CCDC107: variants seen among roughly 807,000 people sequenced by gnomAD.
CCDC107 encodes the protein coiled-coil domain-containing protein 107.
A neutral mutation model predicts 17.9 loss-of-function variants in CCDC107; 17 were observed. The observed-to-expected ratio is 0.95, with a 90% confidence interval of 0.65 to 1.42. The LOEUF (loss-of-function observed/expected upper bound fraction) is 1.42. Among genes scored for constraint, CCDC107 ranks in the 40% most tolerant of loss-of-function variants. The pLI is 0.00. For synonymous variants in CCDC107, 170 were observed against 157.2 expected (o/e 1.08, Z -0.61); for missense variants, 388 against 360.1 (o/e 1.08, Z -0.63).
At position 35,661,095 on chromosome 9, in the gene CCDC107, A is replaced by T; in HGVS notation, c.760A>T (p.Ser254Cys). ...GGGGCGGGGACTACGGAGAAGGTGC[A>T]GCCAGGCTGTGGCAAAGGGCCCCAG... ...EVGRGLRRRC[S>C]QAVAKGPSHS... Residue 254 changes from serine (S) to cysteine (C), a missense_variant, in exon 5 of 5, where the codon AGC (serine) becomes TGC (cysteine). Transcript: ENST00000426546. 1 of 1,614,200 alleles carries T rather than the reference A, an allele frequency of 6.2e-7. No homozygotes were observed. Among genetic ancestry groups the T allele is most frequent in the Non-Finnish European group, 8.5e-7 (1 of 1,180,028 alleles).
chr9:35,659,000 A>G (rs1460026371), intron 2 of CCDC107: 2 of 321,466 alleles, frequency 6.2e-6, no homozygotes, highest in Non-Finnish European at 5.7e-6. Context: ...AGGAGTAGTC[A>G]CTTGCTCGAG....
intron 2 of CCDC107, 86 bp from the exon 3 acceptor site, chr9:35,660,315 C>T (rs777521919): frequency 8.6e-7 from 1 of 1,166,710 alleles, no homozygotes; most frequent in South Asian, 1.5e-5. Flanking sequence ...TCTCAAATTG[C>T]ACTCTCTCTT....
rs1011584184 is a variant in CCDC107, at chr9:35,658,485, G to A, written c.106G>A (p.Gly36Arg). The A allele has an allele frequency of 2.0e-6, 3 of 1,476,738 alleles. No homozygotes were observed. The highest frequency in any genetic ancestry group is 4.6e-5 in the Admixed American group (2 of 43,298). 91.5% of individuals were successfully genotyped at this position (1,476,738 alleles called of 1,614,324 possible). A position where few individuals can be genotyped will look rare whatever the true frequency, so the allele number is the denominator to read the frequency against. ...RANPDLRAHPGNAAHPGSGAT... is the reference protein window; with the variant it reads ...RANPDLRAHPRNAAHPGSGAT... Reference sequence around the variant, plus strand: ...CAATCCCGACCTCCGGGCACACCCAGGTACCAGCTAGGGCTGCTGGAGGAG... The same window carrying A: ...CAATCCCGACCTCCGGGCACACCCAAGTACCAGCTAGGGCTGCTGGAGGAG... Residue 36 changes from glycine (G) to arginine (R), a missense_variant and splice_region_variant, in exon 1 of 5, where the codon GGG becomes AGG. By Grantham distance (125) the Gly-to-Arg change is moderately radical. Coordinates refer to ENST00000426546, the MANE Select transcript of CCDC107 (RefSeq NM_174923.3).
chr9:35,660,878 G>C lies in CCDC107; in HGVS notation c.543G>C (p.Glu181Asp), dbSNP rs1823897775. The change falls in exon 5 of 5, where the codon GAG becomes GAC. Residue 181 changes from glutamate to aspartate, a missense_variant. Coordinates refer to ENST00000426546, the MANE Select transcript of CCDC107 (RefSeq NM_174923.3). The stretch of plus-strand genomic sequence containing the variant: ...AACCAGGTGAAGGCTCGGGAGGCGA[G>C]TCTGCTGGAGGTGGAGACAAAGTCT... Reference protein sequence around the residue: ...ASEPGEGSGGESAGGGDKVSE... With the variant: ...ASEPGEGSGGDSAGGGDKVSE... The C allele has an allele frequency of 6.2e-7, 1 of 1,614,174 alleles. No individual in the cohort carries two copies. Among genetic ancestry groups the C allele is most frequent in the Non-Finnish European group, 8.5e-7 (1 of 1,180,048 alleles).
Position 35,661,170 on chromosome 9 carries a change from C to A in CCDC107, c.835C>A (p.Gln279Lys). The change falls in exon 5 of 5, where the codon CAA becomes AAA. Residue 279 changes from glutamine (Q) to lysine (K), a missense_variant. Physicochemically the swap from Gln to Lys is moderately conservative, Grantham distance 53. Coordinates refer to ENST00000426546, the MANE Select transcript of CCDC107 (RefSeq NM_174923.3). ...GACGACAGCTGAAGGTCGACTAAAA[C>A]AAAGTCTGTTTTCATGATGGAGTGC... is the stretch of plus-strand genomic sequence containing the variant. ...GGTTAEGRLKQSLFS is the reference protein window; with the variant it reads ...GGTTAEGRLKKSLFS The A allele has an allele frequency of 6.2e-7, 1 of 1,600,986 alleles. No individual in the cohort carries two copies. The highest frequency in any genetic ancestry group is 8.5e-7 in the Non-Finnish European group (1 of 1,172,208).
Position 35,661,237 on chromosome 9 carries a change from T to C in CCDC107, c.*50T>C, listed in dbSNP as rs773527394. ...GATCCTAGTTGGTTGTACACACCCATACTAGGTGCCTAAGGACAACTGGGC... is the reference window on the plus strand; with the variant it reads ...GATCCTAGTTGGTTGTACACACCCACACTAGGTGCCTAAGGACAACTGGGC... On this transcript the variant is annotated 3_prime_UTR_variant, in exon 5 of 5. Coordinates refer to ENST00000426546, the MANE Select transcript of CCDC107 (RefSeq NM_174923.3). 18 of 1,361,958 alleles carry C rather than the reference T, an allele frequency of 1.3e-5. No individual in the cohort carries two copies. The highest frequency in any genetic ancestry group is 2.9e-5 in the African/African-American group (2 of 68,860). The allele number at this position is 1,361,958 out of a possible 1,614,324, so 84.4% of individuals were successfully genotyped here.
At chr9:35,659,494 G>T (rs1167581182) in intron 2 of CCDC107, 1 of 152,158 alleles carries the variant, frequency 6.6e-6, no homozygotes, top group African/African-American at 2.4e-5. Flanking sequence ...GTTCACTGTG[G>T]GATGTGACAA....
In CCDC107 at chr9:35,661,029, T is replaced by TG. The variant is rs1467060376; in HGVS notation, c.696dup (p.Ser233GlufsTer42). The TG allele has an allele frequency of 2.5e-5, 41 of 1,613,914 alleles. No homozygotes were observed. The highest frequency in any genetic ancestry group is 3.2e-5 in the Non-Finnish European group (38 of 1,179,990). Reference sequence around the variant, plus strand: ...TCAGGCCTGGGAGGAGCCCACAAACTGGAGCACAGAGACATGGAACCTAGC... The same window carrying TG: ...TCAGGCCTGGGAGGAGCCCACAAACTGGGAGCACAGAGACATGGAACCTAGC... On this transcript the variant is annotated frameshift_variant, in exon 5 of 5. Coordinates refer to ENST00000426546, the MANE Select transcript of CCDC107 (RefSeq NM_174923.3). LOFTEE classifies it low-confidence loss of function (END_TRUNC).
Position 35,660,569 on chromosome 9 carries a change from C to G in CCDC107, c.332C>G (p.Ala111Gly). The change falls in exon 4 of 5, where the codon GCC (alanine) becomes GGC (glycine). Residue 111 changes from alanine to glycine, a missense_variant. Ala to Gly is a moderately conservative substitution (Grantham distance 60). Coordinates refer to ENST00000426546, the MANE Select transcript of CCDC107 (RefSeq NM_174923.3). ...QQPLQSEQQL[A>G]QLTQQLAQTE... ...CCCTTATCCCCAGAGCAACAGCTGGCCCAGTTGACACAACAGCTGGCCCAG... is the reference window on the plus strand; with the variant it reads ...CCCTTATCCCCAGAGCAACAGCTGGGCCAGTTGACACAACAGCTGGCCCAG... 6.2e-7 allele frequency: 1 copy of G among 1,614,092 alleles called. No individual in the cohort carries two copies.
rs1470245106 is a variant in CCDC107, at chr9:35,661,055, T to C, written c.720T>C (p.Ala240=). 1 of 1,614,144 alleles carries C rather than the reference T, an allele frequency of 6.2e-7. No homozygotes were observed. The highest frequency in any genetic ancestry group is 1.7e-5 in the Admixed American group (1 of 60,016). Residue 240 remains alanine (A), a synonymous_variant, in exon 5 of 5, where the codon GCT becomes GCC. Coordinates refer to ENST00000426546, the MANE Select transcript of CCDC107 (RefSeq NM_174923.3). ...TNWSTETWNL[A]TSWEVGRGLR... is the part of the protein sequence containing the mutation. ...GGAGCACAGAGACATGGAACCTAGC[T>C]ACTTCCTGGGAGGTGGGGCGGGGAC...
Position 35,661,098 on chromosome 9 carries a change from C to T in CCDC107, c.763C>T (p.Gln255Ter). ...VGRGLRRRCS[Q>*]AVAKGPSHSL... is the part of the protein sequence containing the mutation. ...GCGGGGACTACGGAGAAGGTGCAGC[C>T]AGGCTGTGGCAAAGGGCCCCAGTCA... Residue 255 changes from glutamine to a stop codon, truncating the protein, a stop_gained, in exon 5 of 5, where the codon CAG becomes TAG. Transcript: ENST00000426546. LOFTEE classifies it low-confidence loss of function (END_TRUNC). The T allele has an allele frequency of 6.2e-7, 1 of 1,614,116 alleles. No homozygotes were observed. The highest frequency in any genetic ancestry group is 1.1e-5 in the South Asian group (1 of 91,074).
At chr9:35,659,973 T>C (rs1439549111) in intron 2 of CCDC107, 1 of 154,690 alleles carries the variant, frequency 6.5e-6, no homozygotes, top group African/African-American at 2.4e-5. Context: ...GCCTCTCAAG[T>C]AACTGGGATT....
intron 2 of CCDC107, chr9:35,659,328 G>A (rs1313569324): frequency 6.6e-6 from 1 of 152,248 alleles, no homozygotes; most frequent in Non-Finnish European, 1.5e-5. Context: ...ATGACCCCAG[G>A]TAGATGTGAC....
In CCDC107 at chr9:35,660,859, G is replaced by C. The variant is rs1587928506; in HGVS notation, c.524G>C (p.Gly175Ala). The C allele has an allele frequency of 6.2e-7, 1 of 1,614,084 alleles. No homozygotes were observed. Among genetic ancestry groups the C allele is most frequent in the African/African-American group, 1.3e-5 (1 of 74,946 alleles). The change falls in exon 5 of 5, where the codon GGT (glycine) becomes GCT (alanine). Residue 175 changes from glycine (G) to alanine (A), a missense_variant. By Grantham distance (60) the Gly-to-Ala change is moderately conservative. Coordinates refer to ENST00000426546, the MANE Select transcript of CCDC107 (RefSeq NM_174923.3). Reference protein sequence around the residue: ...PDKDMEASEPGEGSGGESAGG... With the variant: ...PDKDMEASEPAEGSGGESAGG... ...AAGGATATGGAGGCTTCAGAACCAG[G>C]TGAAGGCTCGGGAGGCGAGTCTGCT...
At chr9:35,660,279 A>G in intron 2 of CCDC107, 122 bp from the exon 3 acceptor site, 5 of 796,134 alleles carry the variant, frequency 6.3e-6, no homozygotes, top group Non-Finnish European at 1.0e-5. Context: ...TGATTCTCTG[A>G]GGTAAAAACC....
chr9:35,661,401 C>A lies in CCDC107; in HGVS notation c.*214C>A. ...GCCCGCGTTCAGGGCCCAAAAATCC[C>A]TTTTCTCATAGCAAAACTGAGACAG... is the stretch of plus-strand genomic sequence containing the variant. On this transcript the variant is annotated 3_prime_UTR_variant, in exon 5 of 5. Transcript: ENST00000426546. 4.4e-6 allele frequency: 2 copies of A among 456,774 alleles called. No individual in the cohort carries two copies. The highest frequency in any genetic ancestry group is 7.7e-6 in the Non-Finnish European group (2 of 260,106). The allele number at this position is 456,774 out of a possible 1,614,324, so 28.3% of individuals were successfully genotyped here. A position where few individuals can be genotyped will look rare whatever the true frequency, so the allele number is the denominator to read the frequency against.
Position 35,658,703 on chromosome 9 carries a change from T to C in CCDC107, c.234T>C (p.Ala78=). Residue 78 remains alanine (A), a synonymous_variant, in exon 2 of 5, where the codon GCT becomes GCC. Transcript: ENST00000426546. ...CGCTGTACACCGCGGCCGTCGCGGC[T>C]TTTGTGCTGTACAAGTGTTTGCAGG... is the stretch of plus-strand genomic sequence containing the variant. ...LGALYTAAVA[A]FVLYKCLQGK... 1 of 1,564,018 alleles carries C rather than the reference T, an allele frequency of 6.4e-7. No homozygotes were observed.
rs1312299576 is a variant in CCDC107 at position 35,658,313 on chromosome 9, G to A, written c.-67G>A. On this transcript the variant is annotated 5_prime_UTR_variant, in exon 1 of 5. Transcript: ENST00000426546. Reference sequence around the variant, plus strand: ...GCCTGCTCGCGTGCGCGTGCGCGTTGGGGCGGCCGGCCAATGCCGGACCGC... The same window carrying A: ...GCCTGCTCGCGTGCGCGTGCGCGTTAGGGCGGCCGGCCAATGCCGGACCGC... 2 of 1,269,700 alleles carry A rather than the reference G, an allele frequency of 1.6e-6. No homozygotes were observed. The highest frequency in any genetic ancestry group is 3.1e-5 in the African/African-American group (2 of 64,082). 78.7% of individuals were successfully genotyped at this position (1,269,700 alleles called of 1,614,324 possible).
chr9:35,658,600 G>A lies in CCDC107; in HGVS notation c.131G>A (p.Gly44Glu), dbSNP rs1425638063. The change falls in exon 2 of 5, where the codon GGA becomes GAA. Residue 44 changes from glycine (G) to glutamate (E), a missense_variant. Gly to Glu is a moderately conservative substitution (Grantham distance 98). Transcript: ENST00000426546. ...HPGNAAHPGS[G>E]ATEPRRRPPL... is the part of the protein sequence containing the mutation. ...GGGAACGCAGCCCACCCCGGCTCTG[G>A]AGCCACGGAACCCCGGCGGCGACCA... The A allele has an allele frequency of 1.7e-5, 27 of 1,582,722 alleles. No homozygotes were observed. Among genetic ancestry groups the A allele is most frequent in the Non-Finnish European group, 2.1e-5 (25 of 1,172,756 alleles).
Sources: allele counts gnomAD v4.1 joint callset, GRCh38; gene constraint gnomAD v4.1.1; transcripts MANE v1.5; gene names NCBI Gene and HGNC (gene_info 2026-07-23, HGNC 2026-07-21).